The following WDR17 variants were observed in gnomAD, a reference collection of about 807,000 sequenced individuals.
The protein encoded by WDR17 is WD repeat domain 17.
In WDR17, 143 loss-of-function variants were observed where a neutral mutation model predicts 161.7. The ratio of observed to expected loss-of-function variants is 0.88; its 90% CI spans 0.77 to 1.02. WDR17 has a LOEUF of 1.02. Among genes scored for constraint, WDR17 ranks in the 50% least tolerant of loss-of-function variants. The pLI, the probability that WDR17 is intolerant of heterozygous loss-of-function variation, is 0.00. For synonymous variants in WDR17, 517 were observed against 515.6 expected (o/e 1.00, Z -0.04); for missense variants, 1,469 against 1,520.9 (o/e 0.97, Z 0.57).
chr4:176,067,341 A>C (rs1732661498), intron 1 of WDR17, among the ~76,000 whole-genome samples: 1 of 152,250 alleles, frequency 6.6e-6, no homozygotes, highest in African/African-American at 2.4e-5. Flanking sequence ...GATTAATGTT[A>C]CAAATGGTAG....
Position 176,150,567 on chromosome 4 carries a change from T to C in WDR17, c.2278T>C (p.Leu760=). Residue 760 remains leucine, a synonymous_variant, in exon 16 of 29, where the codon TTG becomes CTG. Coordinates refer to ENST00000508596, the MANE Select transcript of WDR17 (RefSeq NM_181265.4). ...PQNYCKGIMH[L]KHLIKFRTSE... is the part of the protein sequence containing the mutation. ...GAACTACTGCAAAGGAATAATGCAC[T>C]TGAAACATCTGATTAAATTTAGAAC... 6.2e-7 allele frequency: 1 copy of C among 1,605,160 alleles called. No individual in the cohort carries two copies. The highest frequency in any genetic ancestry group is 1.3e-5 in the African/African-American group (1 of 74,766).
At chr4:176,066,614 T>C (rs190087977) in intron 1 of WDR17, among the ~76,000 whole-genome samples, 1 of 152,294 alleles carries the variant, frequency 6.6e-6, no homozygotes, top group East Asian at 1.9e-4. Flanking sequence ...CTCTCCAAAA[T>C]CAGACTTGTT....
intron 26 of WDR17, among the ~76,000 whole-genome samples, chr4:176,176,350 T>C (rs1030860480): frequency 1.3e-5 from 2 of 152,188 alleles, no homozygotes; most frequent in African/African-American, 4.8e-5. Context: ...TTTGTTGTCT[T>C]GCTGCTTATA....
chr4:176,171,569 A>G (rs1750740424), intron 23 of WDR17, among the ~76,000 whole-genome samples: 1 of 152,220 alleles, frequency 6.6e-6, no homozygotes. Flanking sequence ...GAAATGATTA[A>G]ATGAATGTAT....
intron 1 of WDR17, among the ~76,000 whole-genome samples, chr4:176,100,751 G>GTT (rs199884861): frequency 6.6e-6 from 1 of 151,558 alleles, no homozygotes; most frequent in Admixed American, 6.6e-5. Flanking sequence ...ATCTTGAATT[G>GTT]TTTTTTTTAA....
Position 176,182,690 on chromosome 4 carries a change from T to C in WDR17, c.*3111T>C, listed in dbSNP as rs1387724821. 1.3e-5 allele frequency: 2 copies of C among 152,184 alleles called. No individual in the cohort carries two copies. The highest frequency in any genetic ancestry group is 1.9e-4 in the East Asian group (1 of 5,200). 9.4% of individuals were successfully genotyped at this position (152,184 alleles called of 1,614,324 possible). On this transcript the variant is annotated 3_prime_UTR_variant, in exon 29 of 29. Coordinates refer to ENST00000508596, the MANE Select transcript of WDR17 (RefSeq NM_181265.4). This position sits in a 1 kb window ranked among gnomAD's most constrained non-coding sequence, Gnocchi z 4.2. ...GAGATATTTGTACATAAATGAAATATGTACTTTCATGCTAAAATTATATAT... is the reference window on the plus strand; with the variant it reads ...GAGATATTTGTACATAAATGAAATACGTACTTTCATGCTAAAATTATATAT...
chr4:176,130,429 A>G (rs1225286484), intron 6 of WDR17, among the ~76,000 whole-genome samples: 1 of 152,176 alleles, frequency 6.6e-6, no homozygotes, highest in East Asian at 1.9e-4. Flanking sequence ...GAACTAAGAA[A>G]AATTGTATTT....
Position 176,125,296 on chromosome 4 carries a change from C to T in WDR17, c.731C>T (p.Ala244Val), listed in dbSNP as rs753682348. Residue 244 changes from alanine to valine, a missense_variant, in exon 5 of 29, where the codon GCA (alanine) becomes GTA (valine). Coordinates refer to ENST00000508596, the MANE Select transcript of WDR17 (RefSeq NM_181265.4). The stretch of plus-strand genomic sequence containing the variant: ...ACAACATTTAATCTTCCCAGTGCAG[C>T]AGCTTCTGTACAGTGCTTAGCCTGG... ...CITTFNLPSA[A>V]ASVQCLAWVP... 1 of 1,614,124 alleles carries T rather than the reference C, an allele frequency of 6.2e-7. No homozygotes were observed. The highest frequency in any genetic ancestry group is 1.1e-5 in the South Asian group (1 of 91,078).
chr4:176,103,997 A>G (rs1561103070), intron 1 of WDR17, among the ~76,000 whole-genome samples: 1 of 152,162 alleles, frequency 6.6e-6, no homozygotes, highest in Non-Finnish European at 1.5e-5. Context: ...AGCAGAGTGA[A>G]TCTTGAAATT....
At chr4:176,167,534 T>A (rs890047018) in intron 22 of WDR17, among the ~76,000 whole-genome samples, 1 of 147,680 alleles carries the variant, frequency 6.8e-6, no homozygotes, top group Non-Finnish European at 1.5e-5. Flanking sequence ...TAGTCCCAGC[T>A]ACTCGGGAGG....
rs759110938 is a variant in WDR17 at position 176,125,280 on chromosome 4, A to T, written c.715A>T (p.Asn239Tyr). Reference sequence around the variant, plus strand: ...ATCACTTTCTTGCATAACAACATTTAATCTTCCCAGTGCAGCAGCTTCTGT... The same window carrying T: ...ATCACTTTCTTGCATAACAACATTTTATCTTCCCAGTGCAGCAGCTTCTGT... ...SESLSCITTF[N>Y]LPSAAASVQC... The change falls in exon 5 of 29, where the codon AAT (asparagine) becomes TAT (tyrosine). Residue 239 changes from asparagine (N) to tyrosine (Y), a missense_variant. Physicochemically the swap from Asn to Tyr is moderately radical, Grantham distance 143. Transcript: ENST00000508596. The T allele has an allele frequency of 6.2e-7, 1 of 1,613,978 alleles. No homozygotes were observed. Among genetic ancestry groups the T allele is most frequent in the Admixed American group, 1.7e-5 (1 of 59,996 alleles).
At position 176,174,122 on chromosome 4, in the gene WDR17, A is replaced by G. The variant is rs531578553; in HGVS notation, c.3348-495A>G. On this transcript the variant is annotated intron_variant, in intron 25 of 28. Transcript: ENST00000508596. ...TCAGGTACTATTAAAAGACATTATT[A>G]TCTATATAACTAAAGCCCTCAGAGA... 1.7e-4 allele frequency among the ~76,000 whole-genome samples: 26 copies of G among 152,200 alleles called. No individual in the cohort carries two copies. In the South Asian group the frequency reaches 4.4e-3, roughly 26 times the overall value.
rs79499776 is a variant in WDR17 at position 176,145,029 on chromosome 4, G to A, written c.1530-966G>A. 4.9e-3 allele frequency among the ~76,000 whole-genome samples: 742 copies of A among 152,222 alleles called. 3 individuals are homozygous for A. The highest frequency in any genetic ancestry group is 0.016 in the African/African-American group (669 of 41,528). Reference sequence around the variant, plus strand: ...TTGGCATGCCAGTTTGCAAACTGCCGTATTTCTACATGTGGGCTTAAATAA... The same window carrying A: ...TTGGCATGCCAGTTTGCAAACTGCCATATTTCTACATGTGGGCTTAAATAA... On this transcript the variant is annotated intron_variant, in intron 11 of 28. Coordinates refer to ENST00000508596, the MANE Select transcript of WDR17 (RefSeq NM_181265.4).
chr4:176,158,279 C>T (rs544878557), intron 18 of WDR17, among the ~76,000 whole-genome samples: 14 of 152,144 alleles, frequency 9.2e-5, no homozygotes, highest in South Asian at 2.1e-4. Flanking sequence ...ACAGCAGTAG[C>T]GTGGACGCCA....
chr4:176,142,175 A>C (rs1320023719), intron 11 of WDR17, 106 bp downstream of exon 11: 5 of 774,888 alleles, frequency 6.5e-6, no homozygotes, highest in Non-Finnish European at 1.0e-5. Context: ...CACTCTATTT[A>C]TACAATATCC....
At chr4:176,163,510 G>A (rs1198635929) in intron 22 of WDR17, among the ~76,000 whole-genome samples, 9 of 152,122 alleles carry the variant, frequency 5.9e-5, no homozygotes, top group South Asian at 2.1e-4. Context: ...TTCTGAAGTA[G>A]CCCAGTTGTA....
intron 28 of WDR17, among the ~76,000 whole-genome samples, chr4:176,178,516 C>T (rs1751784228): frequency 6.6e-6 from 1 of 152,188 alleles, no homozygotes; most frequent in Non-Finnish European, 1.5e-5. Context: ...TCTAACCTCT[C>T]TGTAGCCAAA....
chr4:176,154,434 T>C (rs1409229155), intron 17 of WDR17, among the ~76,000 whole-genome samples: 1 of 152,052 alleles, frequency 6.6e-6, no homozygotes, highest in East Asian at 1.9e-4. Context: ...TGAGCCAAGA[T>C]CATACCATTG....
chr4:176,120,305 T>C (rs1331012700), intron 4 of WDR17, among the ~76,000 whole-genome samples: 1 of 76,432 alleles, frequency 1.3e-5, no homozygotes, highest in East Asian at 3.7e-4. Flanking sequence ...TATATATATA[T>C]ATATATATAT....
Sources: allele counts gnomAD v4.1 joint callset (sites outside exome capture counted in the v4.1 genomes callset), GRCh38; gene constraint gnomAD v4.1.1; non-coding constraint Gnocchi (gnomAD v3.1); transcripts MANE v1.5; gene names NCBI Gene and HGNC (gene_info 2026-07-23, HGNC 2026-07-21).